The following KITLG variants were observed in gnomAD, a reference collection of about 807,000 sequenced individuals.
KITLG encodes KIT ligand.
KITLG carries 13 observed loss-of-function variants against 34.1 expected under a neutral mutation model. The ratio of observed to expected loss-of-function variants is 0.38; its 90% CI spans 0.25 to 0.61. The LOEUF (loss-of-function observed/expected upper bound fraction) is 0.61, where lower values mean the gene tolerates loss of function less well. KITLG is among the 20% of genes least tolerant of loss of function. KITLG has a pLI of 0.60. For missense variants in KITLG, 292 were observed against 318.9 expected (o/e 0.92, Z 0.64); for synonymous variants, 110 against 104.0 (o/e 1.06, Z -0.35).
chr12:88,555,809 T>C (rs1009344607), intron 1 of KITLG, among the ~76,000 whole-genome samples: 1 of 152,202 alleles, frequency 6.6e-6, no homozygotes, highest in African/African-American at 2.4e-5. Context: ...GGGCCACTTC[T>C]TCATTTAACA....
At chr12:88,514,781 G>A (rs1468045638) in intron 6 of KITLG, among the ~76,000 whole-genome samples, 1 of 151,478 alleles carries the variant, frequency 6.6e-6, no homozygotes, top group Non-Finnish European at 1.5e-5. Flanking sequence ...TCACAGATAG[G>A]TCTTCTAAGT....
At chr12:88,566,909 A>T (rs1346462695) in intron 1 of KITLG, among the ~76,000 whole-genome samples, 1 of 152,178 alleles carries the variant, frequency 6.6e-6, no homozygotes. Flanking sequence ...CTGCATAGCA[A>T]TACAGTACCA....
In KITLG at chr12:88,516,403, A is replaced by G. The variant is rs139477122; in HGVS notation, c.451T>C (p.Phe151Leu). 2.9e-5 allele frequency: 46 copies of G among 1,610,340 alleles called. No individual in the cohort carries two copies. Among genetic ancestry groups the G allele is most frequent in the Middle Eastern group, 3.4e-4 (2 of 5,960 alleles). ...TCAGATGCCACTACAAAGTCCTTGA[A>G]GGCATCAATGGATCTATTAAAAATT... ...FRIFNRSIDA[F>L]KDFVVASETS... is the part of the protein sequence containing the mutation. Residue 151 changes from phenylalanine (F) to leucine (L), a missense_variant, in exon 5 of 10, where the codon TTC (phenylalanine) becomes CTC (leucine). Physicochemically the swap from Phe to Leu is conservative, Grantham distance 22. This residue lies in a region of KITLG where 152 missense variants were observed against 207.9 expected (regional missense o/e 0.73). Coordinates refer to ENST00000644744, the MANE Select transcript of KITLG (RefSeq NM_000899.5).
At position 88,505,245 on chromosome 12, in the gene KITLG, A is replaced by G. The variant is rs1364778041; in HGVS notation, c.783-10T>C. The stretch of plus-strand genomic sequence containing the variant: ...TTTCTCTTGCAACATACTGAAAAAC[A>G]ATAAGAAAAAATGCTTATTTGCTCT... On this transcript the variant is annotated splice_polypyrimidine_tract_variant and intron_variant, in intron 8 of 9. Transcript: ENST00000644744. 2 of 1,603,954 alleles carry G rather than the reference A, an allele frequency of 1.2e-6. No individual in the cohort carries two copies. Among genetic ancestry groups the G allele is most frequent in the Non-Finnish European group, 8.5e-7 (1 of 1,171,002 alleles).
chr12:88,501,945 T>A (rs971128662), intron 9 of KITLG, among the ~76,000 whole-genome samples: 30 of 151,930 alleles, frequency 2.0e-4, no homozygotes, highest in African/African-American at 7.0e-4. Flanking sequence ...CCCCTAAGAG[T>A]TTATGGTTTT....
At chr12:88,531,675 G>A (rs1412618438) in intron 3 of KITLG, among the ~76,000 whole-genome samples, 1 of 152,034 alleles carries the variant, frequency 6.6e-6, no homozygotes, top group Non-Finnish European at 1.5e-5. Context: ...AAGTGAGGTA[G>A]GTCAGCTATG....
rs553950993 is a variant in KITLG, at chr12:88,508,178, C to G, written c.605-1041G>C. On this transcript the variant is annotated intron_variant, in intron 6 of 9. Transcript: ENST00000644744. ...CTCCAGCCTGGGCAACAGAGCAAGACTCTGTCTTTAAAAAAAAAAAAGGAG... is the reference window on the plus strand; with the variant it reads ...CTCCAGCCTGGGCAACAGAGCAAGAGTCTGTCTTTAAAAAAAAAAAAGGAG... Among the ~76,000 whole-genome samples, 254 of 151,472 alleles carry G rather than the reference C, an allele frequency of 1.7e-3. 1 individual carries two copies. Among genetic ancestry groups the G allele is most frequent in the Non-Finnish European group, 2.6e-3 (179 of 67,872 alleles).
intron 2 of KITLG, among the ~76,000 whole-genome samples, chr12:88,535,275 A>G (rs1307689102): frequency 6.6e-6 from 1 of 152,216 alleles, no homozygotes; most frequent in African/African-American, 2.4e-5. Context: ...AGGGCAGTGT[A>G]TAATAATAAA....
chr12:88,557,441 C>T (rs780529753), intron 1 of KITLG, among the ~76,000 whole-genome samples: 1 of 152,014 alleles, frequency 6.6e-6, no homozygotes. Context: ...AGCAGTTATA[C>T]AAAGCAGAGG....
chr12:88,505,069 C>G, intron 9 of KITLG, 90 bp downstream of exon 9: 3 of 665,250 alleles, frequency 4.5e-6, no homozygotes, highest in Non-Finnish European at 8.0e-6. Context: ...TGTAAACATA[C>G]GTAACAAACC....
In KITLG at chr12:88,516,847, A is replaced by AG. The variant is rs573087788; in HGVS notation, c.364-358_364-357insC. The stretch of plus-strand genomic sequence containing the variant: ...AAGAACTTCCAGTCTTTAGAAAAAA[A>AG]AAAAAAAAACCACACCATAATGCAT... On this transcript the variant is annotated intron_variant, in intron 4 of 9. Coordinates refer to ENST00000644744, the MANE Select transcript of KITLG (RefSeq NM_000899.5). Among the ~76,000 whole-genome samples, 509 of 151,446 alleles carry AG rather than the reference A, an allele frequency of 3.4e-3. 4 individuals are homozygous for AG. The highest frequency in any genetic ancestry group is 0.012 in the African/African-American group (492 of 41,488).
At chr12:88,547,849 T>A (rs1030694190) in intron 1 of KITLG, among the ~76,000 whole-genome samples, 1 of 152,228 alleles carries the variant, frequency 6.6e-6, no homozygotes, top group African/African-American at 2.4e-5. Context: ...ATCTAACAAG[T>A]ATTTATTGAG....
intron 5 of KITLG, 100 bp downstream of exon 5, chr12:88,516,234 T>C (rs1869449648): frequency 2.1e-6 from 2 of 947,756 alleles, no homozygotes; most frequent in Non-Finnish European, 3.4e-6. Flanking sequence ...CGTACATGCA[T>C]GTATCTTGCT....
At chr12:88,564,915 C>T (rs1356052705) in intron 1 of KITLG, among the ~76,000 whole-genome samples, 2 of 152,142 alleles carry the variant, frequency 1.3e-5, no homozygotes, top group Non-Finnish European at 2.9e-5. Context: ...AGTATTACTG[C>T]CTTGAGTCAC....
At chr12:88,544,436 T>C (rs988520710) in intron 2 of KITLG, among the ~76,000 whole-genome samples, 1 of 151,972 alleles carries the variant, frequency 6.6e-6, no homozygotes, top group Non-Finnish European at 1.5e-5. Flanking sequence ...GTCCTTTTAG[T>C]ATTGTTTCTT....
intron 3 of KITLG, among the ~76,000 whole-genome samples, chr12:88,524,492 T>C (rs1869793032): frequency 6.6e-6 from 1 of 152,198 alleles, no homozygotes; most frequent in South Asian, 2.1e-4. Flanking sequence ...AAACATTCCA[T>C]TAATAATTTT....
At chr12:88,529,552 T>C (rs1475778542) in intron 3 of KITLG, among the ~76,000 whole-genome samples, 3 of 152,292 alleles carry the variant, frequency 2.0e-5, no homozygotes, top group South Asian at 2.1e-4. Flanking sequence ...TTTTTTAAAA[T>C]GAAGGCAAAA....
chr12:88,577,714 T>C (rs1324342439), intron 1 of KITLG, among the ~76,000 whole-genome samples: 5 of 152,200 alleles, frequency 3.3e-5, no homozygotes, highest in Non-Finnish European at 4.4e-5. Flanking sequence ...TGTCATTATA[T>C]TGGAAATACT....
intron 1 of KITLG, among the ~76,000 whole-genome samples, chr12:88,553,683 C>T (rs976331922): frequency 3.9e-5 from 6 of 152,106 alleles, no homozygotes; most frequent in Non-Finnish European, 8.8e-5. Context: ...TCCAATAATC[C>T]TTTCATTGCT....
Sources: allele counts gnomAD v4.1 joint callset (sites outside exome capture counted in the v4.1 genomes callset), GRCh38; gene constraint gnomAD v4.1.1; regional missense constraint gnomAD v4.1.1; transcripts MANE v1.5; gene names NCBI Gene and HGNC (gene_info 2026-07-23, HGNC 2026-07-21).